SMC5: variants seen among roughly 807,000 people sequenced by gnomAD.
SMC5 encodes the protein structural maintenance of chromosomes protein 5.
SMC5 carries 88 observed loss-of-function variants against 148.3 expected under a neutral mutation model. That is an observed-to-expected ratio of 0.59 (90% CI 0.50 to 0.71). SMC5 has a LOEUF of 0.71. Ranked by LOEUF, SMC5 falls within the 30% of genes least tolerant of loss-of-function variation. The pLI, the probability that SMC5 is intolerant of heterozygous loss-of-function variation, is 0.00. For synonymous variants in SMC5, 421 were observed against 432.8 expected (o/e 0.97, Z 0.34); for missense variants, 1,142 against 1,298.9 (o/e 0.88, Z 1.86).
intron 3 of SMC5, among the ~76,000 whole-genome samples, chr9:70,269,584 A>G (rs2034389668): frequency 6.6e-6 from 1 of 152,192 alleles, no homozygotes; most frequent in Admixed American, 6.5e-5. Context: ...CTGTCTGCAA[A>G]AAAAACAAAA....
At chr9:70,346,673 C>T in intron 19 of SMC5, 24 bp downstream of exon 19, 2 of 1,613,170 alleles carry the variant, frequency 1.2e-6, no homozygotes, top group Non-Finnish European at 1.7e-6. Flanking sequence ...ATTCTTTTTT[C>T]CCAAGCTCCT....
intron 6 of SMC5, among the ~76,000 whole-genome samples, chr9:70,281,659 A>C (rs551241818): frequency 6.6e-6 from 1 of 152,308 alleles, no homozygotes; most frequent in South Asian, 2.1e-4. Context: ...TACTTGCTTC[A>C]AAAAGAGTAT....
At position 70,318,845 on chromosome 9, in the gene SMC5, G is replaced by A; in HGVS notation, c.2032G>A (p.Glu678Lys). ...GGATTCAGGGTTGATTGCCTTACGT[G>A]AAACAAGCAAACATCTGGAGCACAA... ...AVDSGLIALRETSKHLEHKDN... is the reference protein window; with the variant it reads ...AVDSGLIALRKTSKHLEHKDN... Residue 678 changes from glutamate to lysine, a missense_variant, in exon 15 of 25, where the codon GAA (glutamate) becomes AAA (lysine). This residue lies in a region of SMC5 where 743 missense variants were observed against 835.7 expected (regional missense o/e 0.89). Coordinates refer to ENST00000361138, the MANE Select transcript of SMC5 (RefSeq NM_015110.4). 1.2e-6 allele frequency: 2 copies of A among 1,608,142 alleles called. No individual in the cohort carries two copies. Among genetic ancestry groups the A allele is most frequent in the Non-Finnish European group, 1.7e-6 (2 of 1,177,758 alleles).
At chr9:70,296,827 T>C (rs538765304) in intron 8 of SMC5, among the ~76,000 whole-genome samples, 11 of 152,324 alleles carry the variant, frequency 7.2e-5, no homozygotes, top group African/African-American at 2.6e-4. Flanking sequence ...CTTTACTCTG[T>C]CTTAGGTAGA....
At chr9:70,338,097 C>T (rs1313405191) in intron 17 of SMC5, among the ~76,000 whole-genome samples, 1 of 152,058 alleles carries the variant, frequency 6.6e-6, no homozygotes, top group Non-Finnish European at 1.5e-5. Context: ...CTTGCTGCAG[C>T]CTGGAAATCC....
rs1172617702 is a variant in SMC5, at chr9:70,350,159, A to AG, written c.2936dup (p.Ser979ArgfsTer2). 6.2e-7 allele frequency: 1 copy of AG among 1,611,712 alleles called. No homozygotes were observed. The highest frequency in any genetic ancestry group is 8.5e-7 in the Non-Finnish European group (1 of 1,179,160). ...AATTCGAATTAGAGTCAAATTTCGA[A>AG]GTAGTACTCAACTGCATGAATTAAC... On this transcript the variant is annotated frameshift_variant, in exon 23 of 25. Coordinates refer to ENST00000361138, the MANE Select transcript of SMC5 (RefSeq NM_015110.4). LOFTEE classifies it high-confidence loss of function.
intron 3 of SMC5, among the ~76,000 whole-genome samples, chr9:70,269,408 C>T (rs888415032): frequency 4.6e-5 from 7 of 151,940 alleles, no homozygotes; most frequent in Non-Finnish European, 1.0e-4. Flanking sequence ...ATGGCAAAAC[C>T]CCATCTCTAC....
intron 3 of SMC5, among the ~76,000 whole-genome samples, chr9:70,273,908 T>C (rs1182686724): frequency 6.6e-6 from 1 of 152,232 alleles, no homozygotes; most frequent in East Asian, 1.9e-4. Context: ...ATTTGTGCAT[T>C]AGTGCAAGTT....
chr9:70,296,501 C>G (rs993581996), intron 8 of SMC5, among the ~76,000 whole-genome samples: 1 of 150,272 alleles, frequency 6.7e-6, no homozygotes, highest in African/African-American at 2.5e-5. Flanking sequence ...TGCAGTGAAC[C>G]GAGATCGCAC....
chr9:70,286,799 CT>C (rs2034916172), intron 8 of SMC5: 1 of 150,546 alleles, frequency 6.6e-6, no homozygotes, highest in Admixed American at 6.6e-5. Context: ...TCACTGCAGC[CT>C]CCGCCTCTCA....
chr9:70,269,636 ATACAAT>A (rs1166926555), intron 3 of SMC5, among the ~76,000 whole-genome samples: 26 of 152,296 alleles, frequency 1.7e-4, no homozygotes, highest in Non-Finnish European at 4.4e-5. Context: ...CATACATTTG[ATACAAT>A]TACAATGAGA....
At chr9:70,284,410 TC>T (rs1338382884) in intron 7 of SMC5, among the ~76,000 whole-genome samples, 1 of 152,208 alleles carries the variant, frequency 6.6e-6, no homozygotes, top group African/African-American at 2.4e-5. Flanking sequence ...TAACACGACT[TC>T]CTCAAGGATA....
intron 4 of SMC5, among the ~76,000 whole-genome samples, 179 bp from the exon 5 acceptor site, chr9:70,278,312 T>G (rs1587630871): frequency 6.6e-6 from 1 of 152,176 alleles, no homozygotes; most frequent in South Asian, 2.1e-4. Flanking sequence ...ATCAAAAAGG[T>G]AACAGTTTAT....
chr9:70,347,886 T>C (rs1431168925), intron 21 of SMC5, 33 bp from the exon 22 acceptor site: 3 of 1,552,742 alleles, frequency 1.9e-6, no homozygotes, highest in South Asian at 2.4e-5. Context: ...ATACTGCTTT[T>C]AAATTGTGTT....
chr9:70,308,369 G>T (rs2035562010), intron 11 of SMC5, among the ~76,000 whole-genome samples: 1 of 151,690 alleles, frequency 6.6e-6, no homozygotes, highest in Non-Finnish European at 1.5e-5. Context: ...ACTTTGGGAG[G>T]CTGAGGGGGG....
At chr9:70,280,678 C>T (rs756080320) in intron 5 of SMC5, 81 bp from the exon 6 acceptor site, 36 of 1,340,240 alleles carry the variant, frequency 2.7e-5, no homozygotes, top group Admixed American at 1.6e-4. Context: ...ATTTTGCCAT[C>T]GTTTATTTTT....
intron 3 of SMC5, among the ~76,000 whole-genome samples, chr9:70,277,057 G>T (rs1043176329): frequency 6.6e-6 from 1 of 152,106 alleles, no homozygotes; most frequent in African/African-American, 2.4e-5. Flanking sequence ...ATGAATTAGT[G>T]TTCACATTTG....
intron 15 of SMC5, among the ~76,000 whole-genome samples, chr9:70,321,493 A>T (rs928408994): frequency 1.3e-5 from 2 of 151,428 alleles, no homozygotes; most frequent in Admixed American, 1.3e-4. Context: ...CTTGGGCTCA[A>T]GCAATCCTCA....
chr9:70,313,389 T>G (rs1233976789), intron 11 of SMC5, among the ~76,000 whole-genome samples: 1 of 152,230 alleles, frequency 6.6e-6, no homozygotes, highest in African/African-American at 2.4e-5. Flanking sequence ...ACTTCTTTGC[T>G]AATTCTAACA....
Sources: gnomAD v4.1 joint callset for allele counts (sites outside exome capture counted in the v4.1 genomes callset) on GRCh38, gnomAD v4.1.1 for gene constraint, gnomAD v4.1.1 regional missense constraint, MANE v1.5 for transcripts, NCBI Gene and HGNC (gene_info 2026-07-23, HGNC 2026-07-21) for gene names.